ACTR3C: variants seen among roughly 807,000 people sequenced by gnomAD.
The protein encoded by ACTR3C is actin related protein 3C.
A neutral mutation model predicts 26.3 loss-of-function variants in ACTR3C; 18 were observed. The ratio of observed to expected loss-of-function variants is 0.68; its 90% confidence interval spans 0.47 to 1.01. The LOEUF is 1.01. Ranked by LOEUF, ACTR3C falls within the 50% of genes least tolerant of loss-of-function variation. The pLI is 0.00. For synonymous variants in ACTR3C, 55 were observed against 94.5 expected (o/e 0.58, Z 2.42); for missense variants, 184 against 250.7 (o/e 0.73, Z 1.80).
the ACTR3C span, among the ~76,000 whole-genome samples, chr7:150,206,711 C>T: frequency 2.1e-4 from 32 of 152,276 alleles, no homozygotes; most frequent in East Asian, 1.9e-3. Flanking sequence ...CGTGAGCCAC[C>T]GCACCAGGCG....
At chr7:149,889,575 CA>C in the ACTR3C span, among the ~76,000 whole-genome samples, 1 of 152,108 alleles carries the variant, frequency 6.6e-6, no homozygotes, top group Non-Finnish European at 1.5e-5. Context: ...ATTAAAGTCA[CA>C]ATGAGACATT....
intron 2 of ACTR3C, among the ~76,000 whole-genome samples, chr7:150,293,651 C>T (rs540831213): frequency 2.6e-5 from 4 of 152,160 alleles, no homozygotes; most frequent in South Asian, 4.2e-4. Flanking sequence ...AATAAAGAAA[C>T]GTGGCTGACT....
At chr7:149,930,066 A>C in the ACTR3C span, among the ~76,000 whole-genome samples, 2 of 152,220 alleles carry the variant, frequency 1.3e-5, no homozygotes, top group Non-Finnish European at 2.9e-5. Flanking sequence ...GCTGTCAAAA[A>C]TGCCAACATC....
intron 1 of ACTR3C, among the ~76,000 whole-genome samples, chr7:150,312,106 T>C (rs1796378557): frequency 6.6e-6 from 1 of 152,130 alleles, no homozygotes; most frequent in Admixed American, 6.6e-5. Flanking sequence ...GCCAACAAAA[T>C]AGCCAAGGAA....
At chr7:150,140,065 C>G in the ACTR3C span, among the ~76,000 whole-genome samples, 1 of 152,134 alleles carries the variant, frequency 6.6e-6, no homozygotes, top group South Asian at 2.1e-4. Context: ...CACACACACA[C>G]GTGCACACAC....
chr7:150,051,270 T>A, the ACTR3C span, among the ~76,000 whole-genome samples: 1 of 151,912 alleles, frequency 6.6e-6, no homozygotes, highest in Non-Finnish European at 1.5e-5. Flanking sequence ...TATGTTAGAA[T>A]AAGTGAAGTG....
chr7:150,039,386 G>C, the ACTR3C span, among the ~76,000 whole-genome samples: 2 of 68,680 alleles, frequency 2.9e-5, no homozygotes, highest in Non-Finnish European at 6.7e-5. Flanking sequence ...GGGGTCCTAA[G>C]AACCCGGGGG....
the ACTR3C span, among the ~76,000 whole-genome samples, chr7:150,204,641 C>A: frequency 1.2e-4 from 18 of 152,224 alleles, 1 homozygote; most frequent in African/African-American, 4.3e-4. Flanking sequence ...CTCTCCTCCC[C>A]CTGAACCCAA....
intron 1 of ACTR3C, among the ~76,000 whole-genome samples, chr7:150,316,658 G>T (rs1248046561): frequency 1.3e-5 from 2 of 151,928 alleles, no homozygotes; most frequent in East Asian, 3.9e-4. Context: ...GCTAATTTTT[G>T]TATTTTTAGT....
chr7:149,883,087 T>G, the ACTR3C span, among the ~76,000 whole-genome samples: 10 of 152,258 alleles, frequency 6.6e-5, no homozygotes, highest in Non-Finnish European at 1.3e-4. Context: ...ACGTAAATGC[T>G]CTAAGAAAGT....
At chr7:149,950,322 A>T in the ACTR3C span, among the ~76,000 whole-genome samples, 3 of 145,286 alleles carry the variant, frequency 2.1e-5, no homozygotes, top group Non-Finnish European at 4.4e-5. Context: ...CTGCTGGAGA[A>T]GGGGCAGTTG....
the ACTR3C span, among the ~76,000 whole-genome samples, chr7:150,072,377 A>G: frequency 2.4e-5 from 3 of 125,618 alleles, no homozygotes; most frequent in Non-Finnish European, 5.3e-5. Flanking sequence ...AAAGTGATGC[A>G]TACAGTCTCC....
In ACTR3C at chr7:150,274,998, G is replaced by C. The variant is rs1417143916; in HGVS notation, c.564+9755C>G. On this transcript the variant is annotated intron_variant, in intron 6 of 7. Transcript: ENST00000683684. The surrounding 1 kb of genome is among the most constrained non-coding windows in gnomAD (Gnocchi z 4.1). The stretch of plus-strand genomic sequence containing the variant: ...CAGAACTGCAACTGGAAATCCAAAC[G>C]CATTCAAAAACTGGCTAAGGCAGGT... 3.3e-5 allele frequency among the ~76,000 whole-genome samples: 5 copies of C among 152,106 alleles called. No homozygotes were observed. The highest frequency in any genetic ancestry group is 5.9e-5 in the Non-Finnish European group (4 of 68,020).
the ACTR3C span, among the ~76,000 whole-genome samples, chr7:150,201,085 A>G: frequency 5.9e-5 from 9 of 152,216 alleles, no homozygotes; most frequent in Admixed American, 2.6e-4. Flanking sequence ...CTACACCTAG[A>G]TTCAAATACT....
At chr7:150,282,429 C>T (rs1835423467) in intron 6 of ACTR3C, among the ~76,000 whole-genome samples, 1 of 151,470 alleles carries the variant, frequency 6.6e-6, no homozygotes, top group Non-Finnish European at 1.5e-5. Context: ...TCCTTTGTGT[C>T]TCTCCTTTCC....
intron 6 of ACTR3C, among the ~76,000 whole-genome samples, chr7:150,258,194 A>G (rs199985266): frequency 0.097 from 10,342 of 107,022 alleles, 560 homozygotes; most frequent in African/African-American, 0.28. Flanking sequence ...CTCAGTTGCC[A>G]GACCTCAGCC....
the ACTR3C span, among the ~76,000 whole-genome samples, chr7:150,063,843 A>C: frequency 6.6e-6 from 1 of 152,172 alleles, no homozygotes; most frequent in Non-Finnish European, 1.5e-5. Flanking sequence ...ATTATGGATG[A>C]GTGGTGCAGA....
the ACTR3C span, among the ~76,000 whole-genome samples, chr7:150,049,014 T>G: frequency 3.9e-5 from 6 of 152,114 alleles, no homozygotes; most frequent in East Asian, 1.2e-3. Context: ...GCTCTCCGGC[T>G]GCCCGCAACT....
At chr7:150,094,774 T>C in the ACTR3C span, among the ~76,000 whole-genome samples, 1 of 150,796 alleles carries the variant, frequency 6.6e-6, no homozygotes, top group Admixed American at 6.6e-5. Context: ...TGAGTGGCCA[T>C]GGGGAATGGC....
Sources: gnomAD v4.1 joint callset for allele counts (sites outside exome capture counted in the v4.1 genomes callset) on GRCh38, gnomAD v4.1.1 for gene constraint, Gnocchi (gnomAD v3.1) non-coding constraint, MANE v1.5 for transcripts, NCBI Gene and HGNC (gene_info 2026-07-23, HGNC 2026-07-21) for gene names.